Variants in FIRRM observed in about 807,000 individuals in gnomAD.
FIRRM encodes FIGNL1 interacting regulator of recombination and mitosis.
At chr1:169,808,272 A>C in the FIRRM span, among the ~76,000 whole-genome samples, 1 of 152,272 alleles carries the variant, frequency 6.6e-6, no homozygotes, top group Middle Eastern at 3.4e-3. Context: ...ATATAGCTGC[A>C]ATCAATCTTG....
At chr1:169,787,762 G>GA in the FIRRM span, among the ~76,000 whole-genome samples, 2 of 152,160 alleles carry the variant, frequency 1.3e-5, no homozygotes, top group Non-Finnish European at 2.9e-5. Context: ...TGCCATGCTG[G>GA]ATGTCCTCAA....
the FIRRM span, chr1:169,851,045 C>CTTTTT: frequency 6.9e-4 from 12 of 17,312 alleles, no homozygotes; most frequent in African/African-American, 9.1e-4. Context: ...GCTCAGGGCC[C>CTTTTT]TTTTTTTTTT....
chr1:169,791,773 CAA>C, the FIRRM span, among the ~76,000 whole-genome samples: 3 of 152,112 alleles, frequency 2.0e-5, no homozygotes, highest in Admixed American at 2.0e-4. Flanking sequence ...TAGCTACTTC[CAA>C]GAGAGAAAAA....
chr1:169,829,559 T>C, the FIRRM span: 8 of 1,017,364 alleles, frequency 7.9e-6, 1 homozygote, highest in East Asian at 1.1e-4. Context: ...TATATTCCTT[T>C]TGAGTGAAAC....
the FIRRM span, among the ~76,000 whole-genome samples, chr1:169,789,834 G>A: frequency 7.9e-5 from 12 of 152,164 alleles, no homozygotes; most frequent in South Asian, 2.5e-3. Context: ...CTTCCTATCT[G>A]GTTCAGAAAA....
At chr1:169,840,473 G>A in the FIRRM span, among the ~76,000 whole-genome samples, 1 of 150,570 alleles carries the variant, frequency 6.6e-6, no homozygotes, top group Non-Finnish European at 1.5e-5. Flanking sequence ...GGGTGTGCGT[G>A]TATCTACTGT....
the FIRRM span, among the ~76,000 whole-genome samples, chr1:169,821,151 TTAATCTTTGC>T: frequency 1.3e-5 from 2 of 152,212 alleles, no homozygotes; most frequent in Non-Finnish European, 2.9e-5. Flanking sequence ...ATCAGTCTTT[TTAATCTTTGC>T]TAATCAAATA....
the FIRRM span, among the ~76,000 whole-genome samples, chr1:169,787,926 G>C: frequency 1.3e-5 from 2 of 151,908 alleles, no homozygotes; most frequent in African/African-American, 4.8e-5. Flanking sequence ...CTTATCAGTT[G>C]GAAGACTGTG....
the FIRRM span, among the ~76,000 whole-genome samples, chr1:169,800,554 A>T: frequency 6.6e-6 from 1 of 152,096 alleles, no homozygotes; most frequent in Admixed American, 6.5e-5. Flanking sequence ...TCTACATTAA[A>T]ATTGGTGTTA....
chr1:169,848,838 G>C, the FIRRM span, among the ~76,000 whole-genome samples: 1 of 152,228 alleles, frequency 6.6e-6, no homozygotes, highest in Non-Finnish European at 1.5e-5. Flanking sequence ...ATTCCCAGGA[G>C]TGAGGTCAAG....
chr1:169,842,916 G>A, the FIRRM span, among the ~76,000 whole-genome samples: 1 of 152,160 alleles, frequency 6.6e-6, no homozygotes, highest in African/African-American at 2.4e-5. Context: ...TGACTTAAAG[G>A]TGGAAAGGGC....
the FIRRM span, chr1:169,795,533 C>T: frequency 1.8e-6 from 2 of 1,103,484 alleles, no homozygotes; most frequent in Admixed American, 4.6e-5. Flanking sequence ...AGTGTAAATA[C>T]TTTTGCTAGT....
chr1:169,822,973 T>C, the FIRRM span, among the ~76,000 whole-genome samples: 2 of 151,970 alleles, frequency 1.3e-5, no homozygotes, highest in African/African-American at 4.8e-5. Flanking sequence ...TTTTTAGTGC[T>C]GGGTGTGGTG....
the FIRRM span, chr1:169,803,246 A>C: frequency 6.2e-7 from 1 of 1,614,030 alleles, no homozygotes; most frequent in Non-Finnish European, 8.5e-7. Context: ...TCATTTTGGA[A>C]AATATTCAGA....
chr1:169,841,650 A>G, the FIRRM span, among the ~76,000 whole-genome samples: 2 of 152,214 alleles, frequency 1.3e-5, no homozygotes, highest in Admixed American at 6.5e-5. Flanking sequence ...TTTAAGTACT[A>G]TCTTTGCTTA....
chr1:169,827,637 C>T, the FIRRM span: 1 of 1,561,832 alleles, frequency 6.4e-7, no homozygotes, highest in Non-Finnish European at 8.8e-7. Context: ...GACTCTGACT[C>T]AAACAAAAAA....
At chr1:169,798,125 G>A in the FIRRM span, among the ~76,000 whole-genome samples, 454 of 152,200 alleles carry the variant, frequency 3.0e-3, 2 homozygotes, top group Non-Finnish European at 4.4e-3. Flanking sequence ...AATAGAAATC[G>A]GAAGTACAAA....
the FIRRM span, chr1:169,849,818 C>G: frequency 1.8e-6 from 1 of 552,374 alleles, no homozygotes; most frequent in East Asian, 3.1e-5. Context: ...TAAACAAGGA[C>G]CAGAACAGGC....
the FIRRM span, chr1:169,795,537 T>A: frequency 9.2e-7 from 1 of 1,088,116 alleles, no homozygotes; most frequent in Admixed American, 4.8e-5. Context: ...TAAATACTTT[T>A]GCTAGTGGAT....
Sources: gnomAD v4.1 joint callset for allele counts (sites outside exome capture counted in the v4.1 genomes callset) on GRCh38, gnomAD v4.1.1 for gene constraint, MANE v1.5 for transcripts, NCBI Gene and HGNC (gene_info 2026-07-23, HGNC 2026-07-21) for gene names.